DCAF8L1: variants seen among roughly 807,000 people sequenced by gnomAD.
DCAF8L1 encodes the protein DDB1 and CUL4 associated factor 8 like 1.
For synonymous variants in DCAF8L1, 217 were observed against 186.8 expected (o/e 1.16, Z -1.32); for missense variants, 434 against 481.6 (o/e 0.90, Z 0.92).
chrX:27,980,153 G>A lies in DCAF8L1; in HGVS notation c.1182C>T (p.Thr394=), dbSNP rs1354763360. ...LVYCDFPTNI[T]CVVYSHDGTE... ...TGCCATCGTGGCTGTACACAACGCA[G>A]GTGATGTTTGTTGGGAAATCACAAT... The change falls in exon 1 of 1, where the codon ACC becomes ACT. Residue 394 remains threonine, a synonymous_variant. Transcript: ENST00000441525. 3 of 1,211,730 alleles carry A rather than the reference G, an allele frequency of 2.5e-6. No homozygotes were observed. In the South Asian group the frequency reaches 5.3e-5, roughly 21 times the overall value.
Position 27,981,068 on chromosome X carries a change from A to G in DCAF8L1, c.267T>C (p.Phe89=). The G allele has an allele frequency of 8.3e-7, 1 of 1,211,809 alleles. No homozygotes were observed. The highest frequency in any genetic ancestry group is 1.1e-6 in the Non-Finnish European group (1 of 895,542). ...TCTCCTCTCCCACTAACGGGTAACC[A>G]AATAAACCTTCACCCATGCTTTCAA... is the stretch of plus-strand genomic sequence containing the variant. The part of the protein sequence containing the change: ...VELESMGEGL[F]GYPLVGEETE... Residue 89 remains phenylalanine (F), a synonymous_variant, in exon 1 of 1, where the codon TTT becomes TTC. Coordinates refer to ENST00000441525, the MANE Select transcript of DCAF8L1 (RefSeq NM_001017930.2).
rs764359472 is a variant in DCAF8L1 at position 27,980,109 on chromosome X, T to C, written c.1226A>G (p.Tyr409Cys). The change falls in exon 1 of 1, where the codon TAC becomes TGC. Residue 409 changes from tyrosine to cysteine, a missense_variant. Physicochemically the swap from Tyr to Cys is radical, Grantham distance 194. Coordinates refer to ENST00000441525, the MANE Select transcript of DCAF8L1 (RefSeq NM_001017930.2). ...GAAGAGGTAAATATCTTCATCATTG[T>C]AGCTGGCCAGGAGCTCTGTGCCATC... ...SHDGTELLAS[Y>C]NDEDIYLFNS... is the part of the protein sequence containing the mutation. 2.5e-6 allele frequency: 3 copies of C among 1,211,945 alleles called. No individual in the cohort carries two copies. Among genetic ancestry groups the C allele is most frequent in the Non-Finnish European group, 3.3e-6 (3 of 895,606 alleles).
In DCAF8L1 at chrX:27,978,815, T is replaced by A. The variant is rs1477888958; in HGVS notation, c.*717A>T. The A allele has an allele frequency of 4.4e-6, 4 of 905,709 alleles. No individual in the cohort carries two copies. Among genetic ancestry groups the A allele is most frequent in the Admixed American group, 4.6e-5 (2 of 43,653 alleles). 74.6% of individuals were successfully genotyped at this position (905,709 alleles called of 1,213,427 possible). On this transcript the variant is annotated 3_prime_UTR_variant, in exon 1 of 1. Transcript: ENST00000441525. ...ATAGCTGGCCAGGAGCTCTGTGCCA[T>A]CGTGGCTGTACACAATGCAGGTGAT... is the stretch of plus-strand genomic sequence containing the variant.
chrX:27,978,862 A>T lies in DCAF8L1; in HGVS notation c.*670T>A. 1 of 901,098 alleles carries T rather than the reference A, an allele frequency of 1.1e-6. No homozygotes were observed. Among genetic ancestry groups the T allele is most frequent in the Non-Finnish European group, 1.6e-6 (1 of 623,017 alleles). 74.3% of individuals were successfully genotyped at this position (901,098 alleles called of 1,213,427 possible). On this transcript the variant is annotated 3_prime_UTR_variant, in exon 1 of 1. Transcript: ENST00000441525. ...TGATGTTTGTTGGAAAATCACAATTAACCAGATGATGAAGAGTGAATTTCT... is the reference window on the plus strand; with the variant it reads ...TGATGTTTGTTGGAAAATCACAATTTACCAGATGATGAAGAGTGAATTTCT...
Position 27,980,601 on chromosome X carries a change from G to T in DCAF8L1, c.734C>A (p.Ala245Asp). 8.2e-7 allele frequency: 1 copy of T among 1,212,183 alleles called. No individual in the cohort carries two copies. Among genetic ancestry groups the T allele is most frequent in the Non-Finnish European group, 1.1e-6 (1 of 895,647 alleles). Residue 245 changes from alanine to aspartate, a missense_variant, in exon 1 of 1, where the codon GCT becomes GAT. Ala to Asp is a moderately radical substitution (Grantham distance 126). Transcript: ENST00000441525. ...ESGHDINVIQ[A>D]KFFPNCGDST... ...ATCACCACAGTTAGGAAAGAACTTA[G>T]CCTGGATGACATTAATATCGTGACC... is the stretch of plus-strand genomic sequence containing the variant.
rs773490797 is a variant in DCAF8L1 at position 27,980,051 on chromosome X, A to G, written c.1284T>C (p.Val428=). 2 of 1,211,296 alleles carry G rather than the reference A, an allele frequency of 1.7e-6. No individual in the cohort carries two copies. Among genetic ancestry groups the G allele is most frequent in the Non-Finnish European group, 2.2e-6 (2 of 895,416 alleles). Residue 428 remains valine (V), a synonymous_variant, in exon 1 of 1, where the codon GTT becomes GTC. Coordinates refer to ENST00000441525, the MANE Select transcript of DCAF8L1 (RefSeq NM_001017930.2). ...TATTTCTGTGCCCCTTATATCTCTT[A>G]ACATATTGAGCACCATCACTGAGAG... ...NSSLSDGAQY[V]KRYKGHRNND...
rs774114403 is a variant in DCAF8L1 at position 27,980,955 on chromosome X, T to C, written c.380A>G (p.Asn127Ser). 8.3e-7 allele frequency: 1 copy of C among 1,211,972 alleles called. No homozygotes were observed. The highest frequency in any genetic ancestry group is 1.1e-6 in the Non-Finnish European group (1 of 895,551). The change falls in exon 1 of 1, where the codon AAC becomes AGC. Residue 127 changes from asparagine (N) to serine (S), a missense_variant. By Grantham distance (46) the Asn-to-Ser change is conservative. Coordinates refer to ENST00000441525, the MANE Select transcript of DCAF8L1 (RefSeq NM_001017930.2). ...CTCGTCTAACAAACACTGATCATGG[T>C]TGGTGCCACCGCATCGTGGACACAT... ...PRMCPRCGGT[N>S]HDQCLLDEDQ...
In DCAF8L1 at chrX:27,980,933, G is replaced by C. The variant is rs750838544; in HGVS notation, c.402C>G (p.Asp134Glu). 37 of 1,210,063 alleles carry C rather than the reference G, an allele frequency of 3.1e-5. No homozygotes were observed. Among genetic ancestry groups the C allele is most frequent in the South Asian group, 3.0e-4 (17 of 56,802 alleles). The change falls in exon 1 of 1, where the codon GAC (aspartate) becomes GAG (glutamate). Residue 134 changes from aspartate to glutamate, a missense_variant. Asp to Glu is a conservative substitution (Grantham distance 45). Transcript: ENST00000441525. ...GGTNHDQCLL[D>E]EDQALEEWIS... ...TCCACTCCTCCAACGCCTGATCCTCGTCTAACAAACACTGATCATGGTTGG... is the reference window on the plus strand; with the variant it reads ...TCCACTCCTCCAACGCCTGATCCTCCTCTAACAAACACTGATCATGGTTGG...
chrX:27,980,933 G>A lies in DCAF8L1; in HGVS notation c.402C>T (p.Asp134=), dbSNP rs750838544. The A allele has an allele frequency of 1.7e-6, 2 of 1,211,613 alleles. No homozygotes were observed. Among genetic ancestry groups the A allele is most frequent in the Admixed American group, 2.2e-5 (1 of 46,059 alleles). ...TCCACTCCTCCAACGCCTGATCCTC[G>A]TCTAACAAACACTGATCATGGTTGG... ...GGTNHDQCLL[D]EDQALEEWIS... Residue 134 remains aspartate (D), a synonymous_variant, in exon 1 of 1, where the codon GAC becomes GAT. Transcript: ENST00000441525.
chrX:27,979,460 C>T lies in DCAF8L1; in HGVS notation c.*72G>A. 1 of 1,116,780 alleles carries T rather than the reference C, an allele frequency of 9.0e-7. No homozygotes were observed. Among genetic ancestry groups the T allele is most frequent in the Non-Finnish European group, 1.2e-6 (1 of 848,824 alleles). 92.0% of individuals were successfully genotyped at this position (1,116,780 alleles called of 1,213,427 possible). On this transcript the variant is annotated 3_prime_UTR_variant, in exon 1 of 1. Coordinates refer to ENST00000441525, the MANE Select transcript of DCAF8L1 (RefSeq NM_001017930.2). ...CAAATCTGTTAATCAATTGACAATTCTAAATTAGTCAAACTGAATTTTAAA... is the reference window on the plus strand; with the variant it reads ...CAAATCTGTTAATCAATTGACAATTTTAAATTAGTCAAACTGAATTTTAAA...
rs1442836983 is a variant in DCAF8L1 at position 27,979,402 on chromosome X, A to C, written c.*130T>G. ...GCATAAATAAGTTGTGTATGCACTC[A>C]TATAAGGGGTAACAAAAACAGAAGA... On this transcript the variant is annotated 3_prime_UTR_variant, in exon 1 of 1. Transcript: ENST00000441525. 1 of 925,101 alleles carries C rather than the reference A, an allele frequency of 1.1e-6. No homozygotes were observed. The highest frequency in any genetic ancestry group is 2.0e-5 in the African/African-American group (1 of 50,635). 76.2% of individuals were successfully genotyped at this position (925,101 alleles called of 1,213,427 possible).
At position 27,978,246 on chromosome X, in the gene DCAF8L1, A is replaced by G. The variant is rs887303391; in HGVS notation, c.*1286T>C. 8.9e-6 allele frequency: 1 copy of G among 111,965 alleles called. No homozygotes were observed. Among genetic ancestry groups the G allele is most frequent in the African/African-American group, 3.2e-5 (1 of 30,781 alleles). The allele number at this position is 111,965 out of a possible 1,213,427, so 9.2% of individuals were successfully genotyped here. On this transcript the variant is annotated 3_prime_UTR_variant, in exon 1 of 1. Transcript: ENST00000441525. Reference sequence around the variant, plus strand: ...AATTTTAAGCAATGCATGGATGTCAAATAGGATTTTTCTACCAACTACATC... The same window carrying G: ...AATTTTAAGCAATGCATGGATGTCAGATAGGATTTTTCTACCAACTACATC...
chrX:27,979,006 C>A lies in DCAF8L1; in HGVS notation c.*526G>T, dbSNP rs1926581320. 2.1e-6 allele frequency: 1 copy of A among 479,500 alleles called. No homozygotes were observed. Among genetic ancestry groups the A allele is most frequent in the African/African-American group, 2.4e-5 (1 of 42,274 alleles). The allele number at this position is 479,500 out of a possible 1,213,427, so 39.5% of individuals were successfully genotyped here. A position where few individuals can be genotyped will look rare whatever the true frequency, so the allele number is the denominator to read the frequency against. ...TGGCAGGATTCATAGAGATTGTATA[C>A]AGTCCCACTTTCTTATTCTTCTCTC... On this transcript the variant is annotated 3_prime_UTR_variant, in exon 1 of 1. Transcript: ENST00000441525.
In DCAF8L1 at chrX:27,980,845, G is replaced by A. The variant is rs771155325; in HGVS notation, c.490C>T (p.Arg164Trp). ...RWQVLTALRQ[R>W]QLGSSARFVY... Reference sequence around the variant, plus strand: ...AAGCGGGCACTTGAACCCAGCTGCCGCTGGCGAAGAGCAGTAAGGACTTGC... The same window carrying A: ...AAGCGGGCACTTGAACCCAGCTGCCACTGGCGAAGAGCAGTAAGGACTTGC... Residue 164 changes from arginine (R) to tryptophan (W), a missense_variant, in exon 1 of 1, where the codon CGG becomes TGG. Transcript: ENST00000441525. 1.8e-4 allele frequency: 217 copies of A among 1,209,668 alleles called. No homozygotes were observed. In the South Asian group the frequency reaches 3.4e-3, roughly 19 times the overall value.
Position 27,979,778 on chromosome X carries a change from A to T in DCAF8L1, c.1557T>A (p.Thr519=), listed in dbSNP as rs1008975087. The T allele has an allele frequency of 8.3e-7, 1 of 1,208,301 alleles. No individual in the cohort carries two copies. The highest frequency in any genetic ancestry group is 1.8e-5 in the African/African-American group (1 of 56,916). ...TPTAKTATEL[T]GLKDVIKKNK... ...TCTTCTTAATCACATCTTTTAACCC[A>T]GTAAGCTCAGTGGCAGTTTTAGCTG... is the stretch of plus-strand genomic sequence containing the variant. Residue 519 remains threonine, a synonymous_variant, in exon 1 of 1, where the codon ACT becomes ACA. Coordinates refer to ENST00000441525, the MANE Select transcript of DCAF8L1 (RefSeq NM_001017930.2).
At position 27,979,242 on chromosome X, in the gene DCAF8L1, T is replaced by C; in HGVS notation, c.*290A>G. On this transcript the variant is annotated 3_prime_UTR_variant, in exon 1 of 1. Transcript: ENST00000441525. Reference sequence around the variant, plus strand: ...GAACTTTATCTTCAAAATAAATTGGTAAAAAATGAAAAAACTAAAAAGTAA... The same window carrying C: ...GAACTTTATCTTCAAAATAAATTGGCAAAAAATGAAAAAACTAAAAAGTAA... 7.0e-6 allele frequency: 2 copies of C among 285,469 alleles called. No homozygotes were observed. Among genetic ancestry groups the C allele is most frequent in the Non-Finnish European group, 1.2e-5 (2 of 170,347 alleles). 23.5% of individuals were successfully genotyped at this position (285,469 alleles called of 1,213,427 possible). A position where few individuals can be genotyped will look rare whatever the true frequency, so the allele number is the denominator to read the frequency against.
In DCAF8L1 at chrX:27,981,169, C is replaced by T; in HGVS notation, c.166G>A (p.Asp56Asn). ...CTGGCATCGTTCAGGAAACCACCAT[C>T]CCTGGTATCACCACCATCTCCGGTC... ...PSTGDGGDTR[D>N]GGFLNDASTE... is the part of the protein sequence containing the mutation. The change falls in exon 1 of 1, where the codon GAT (aspartate) becomes AAT (asparagine). Residue 56 changes from aspartate to asparagine, a missense_variant. Asp to Asn is a conservative substitution (Grantham distance 23). Coordinates refer to ENST00000441525, the MANE Select transcript of DCAF8L1 (RefSeq NM_001017930.2). The T allele has an allele frequency of 8.3e-7, 1 of 1,211,976 alleles. No individual in the cohort carries two copies. The highest frequency in any genetic ancestry group is 1.1e-6 in the Non-Finnish European group (1 of 895,595).
Position 27,981,059 on chromosome X carries a change from C to T in DCAF8L1, c.276G>A (p.Pro92=), listed in dbSNP as rs374309786. Residue 92 remains proline (P), a synonymous_variant, in exon 1 of 1, where the codon CCG becomes CCA. Transcript: ENST00000441525. The part of the protein sequence containing the change: ...ESMGEGLFGY[P]LVGEETEREE... ...CCCTTTCTGTCTCCTCTCCCACTAACGGGTAACCAAATAAACCTTCACCCA... is the reference window on the plus strand; with the variant it reads ...CCCTTTCTGTCTCCTCTCCCACTAATGGGTAACCAAATAAACCTTCACCCA... 2.5e-6 allele frequency: 3 copies of T among 1,212,031 alleles called. No homozygotes were observed. The highest frequency in any genetic ancestry group is 3.0e-5 in the East Asian group (1 of 33,820).
At position 27,978,620 on chromosome X, in the gene DCAF8L1, T is replaced by G. The variant is rs1158049846; in HGVS notation, c.*912A>C. 4.8e-6 allele frequency: 1 copy of G among 210,128 alleles called. No homozygotes were observed. Among genetic ancestry groups the G allele is most frequent in the East Asian group, 8.9e-5 (1 of 11,247 alleles). The allele number at this position is 210,128 out of a possible 1,213,427, so 17.3% of individuals were successfully genotyped here. ...CATGTGATTAAATTTAATTTAGTTC[T>G]TACCAGCTTCAGTGTGCTCAAATTA... On this transcript the variant is annotated 3_prime_UTR_variant, in exon 1 of 1. Coordinates refer to ENST00000441525, the MANE Select transcript of DCAF8L1 (RefSeq NM_001017930.2).
Sources: gnomAD v4.1 joint callset for allele counts on GRCh38, gnomAD v4.1.1 for gene constraint, MANE v1.5 for transcripts, NCBI Gene and HGNC (gene_info 2026-07-23, HGNC 2026-07-21) for gene names.